CWC25: variants seen among roughly 807,000 people sequenced by gnomAD.
CWC25 encodes the protein pre-mRNA-splicing factor CWC25 homolog.
Under a neutral mutation model 54.6 loss-of-function variants are expected in CWC25, and 31 were observed. The ratio of observed to expected loss-of-function variants is 0.57; its 90% CI spans 0.43 to 0.77. CWC25 has a LOEUF of 0.77. Among genes scored for constraint, CWC25 ranks in the 30% least tolerant of loss-of-function variants. The pLI is 0.00. For synonymous variants in CWC25, 151 were observed against 187.0 expected, an observed-to-expected ratio of 0.81 and a Z score of 1.57; for missense variants, 453 against 529.3, an observed-to-expected ratio of 0.86 and a Z score of 1.41.
chr17:38,816,402 T>G (rs1356144673), intron 2 of CWC25, among the ~76,000 whole-genome samples: 1 of 151,640 alleles, frequency 6.6e-6, no homozygotes, highest in Non-Finnish European at 1.5e-5. Context: ...TGCACCACCA[T>G]GCCTTGCTGA....
At chr17:38,810,133 A>T (rs926614611) in intron 5 of CWC25, 7 of 425,334 alleles carry the variant, frequency 1.6e-5, no homozygotes, top group Admixed American at 8.1e-5. Flanking sequence ...GCCTATATAA[A>T]GCCCACTTCA....
In CWC25 at chr17:38,802,211, GA is replaced by G. The variant is rs745971628; in HGVS notation, c.1164-6del. On this transcript the variant is annotated splice_region_variant and splice_polypyrimidine_tract_variant and intron_variant, in intron 9 of 9. Transcript: ENST00000614790. Reference sequence around the variant, plus strand: ...GCACTCTCCAGCTTCATGCGGCTAGGAAGAGAAGACAGGCAAATGCAAGTCA... The same window carrying G: ...GCACTCTCCAGCTTCATGCGGCTAGGAGAGAAGACAGGCAAATGCAAGTCA... 1.2e-6 allele frequency: 2 copies of G among 1,600,610 alleles called. No homozygotes were observed. The highest frequency in any genetic ancestry group is 2.2e-5 in the South Asian group (2 of 89,846).
At position 38,806,296 on chromosome 17, in the gene CWC25, C is replaced by A. The variant is rs1011108616; in HGVS notation, c.1001+1G>T. ...GTTAATCAACTGGGCTCCTGACTCA[C>A]CTGGTGTATCCGGGAGCATGTCGCC... On this transcript the variant is annotated splice_donor_variant, in intron 8 of 9. Transcript: ENST00000614790. LOFTEE classifies it high-confidence loss of function. 1.2e-6 allele frequency: 2 copies of A among 1,609,220 alleles called. No individual in the cohort carries two copies. The highest frequency in any genetic ancestry group is 1.3e-5 in the African/African-American group (1 of 74,898).
At position 38,810,670 on chromosome 17, in the gene CWC25, A is replaced by C. The variant is rs1031896342; in HGVS notation, c.499-75T>G. The C allele has an allele frequency of 3.9e-6, 3 of 778,152 alleles. No homozygotes were observed. The African/African-American group carries it at 5.1e-5, about 13-fold the overall frequency. 48.2% of individuals were successfully genotyped at this position (778,152 alleles called of 1,614,324 possible). ...CGCAGTGGCTCATGCCTGTAATCCCAGCACTTTGGGAGGCTGAGTGGAGCA... is the reference window on the plus strand; with the variant it reads ...CGCAGTGGCTCATGCCTGTAATCCCCGCACTTTGGGAGGCTGAGTGGAGCA... On this transcript the variant is annotated intron_variant, in intron 4 of 9. Transcript: ENST00000614790.
intron 4 of CWC25, among the ~76,000 whole-genome samples, chr17:38,810,838 C>T (rs1911455020): frequency 6.8e-6 from 1 of 146,644 alleles, no homozygotes; most frequent in Non-Finnish European, 1.5e-5. Flanking sequence ...ACAAGAATCA[C>T]CTGAACCAGG....
At chr17:38,803,268 G>A (rs1911099243) in intron 8 of CWC25, among the ~76,000 whole-genome samples, 1 of 152,184 alleles carries the variant, frequency 6.6e-6, no homozygotes, top group Admixed American at 6.5e-5. Flanking sequence ...TCATGACACA[G>A]CCCATGAGTA....
chr17:38,805,552 G>T (rs916038830), intron 8 of CWC25, among the ~76,000 whole-genome samples: 1 of 152,114 alleles, frequency 6.6e-6, no homozygotes, highest in Non-Finnish European at 1.5e-5. Flanking sequence ...GGCCTCAAGC[G>T]ATCCTCCTGC....
At chr17:38,820,788 G>T in intron 2 of CWC25, 113 bp downstream of exon 2, 1 of 1,249,746 alleles carries the variant, frequency 8.0e-7, no homozygotes, top group Non-Finnish European at 1.1e-6. Flanking sequence ...AGGTGAGTCT[G>T]GCATTACAAC....
chr17:38,805,270 G>C (rs376744184), intron 8 of CWC25, among the ~76,000 whole-genome samples: 1 of 151,916 alleles, frequency 6.6e-6, no homozygotes, highest in Non-Finnish European at 1.5e-5. Context: ...ACAAGATGCT[G>C]TCTCCAAAAA....
At chr17:38,814,511 C>T (rs1460519656) in intron 3 of CWC25, among the ~76,000 whole-genome samples, 1 of 151,310 alleles carries the variant, frequency 6.6e-6, no homozygotes. Flanking sequence ...GAGGCCGAGG[C>T]GGGCGGATCA....
intron 2 of CWC25, among the ~76,000 whole-genome samples, chr17:38,817,876 G>A (rs1273656726): frequency 6.6e-6 from 1 of 151,940 alleles, no homozygotes; most frequent in Non-Finnish European, 1.5e-5. Flanking sequence ...TGAAGCAGGA[G>A]AATTGCTTGA....
chr17:38,820,762 G>C (rs529935718), intron 2 of CWC25, 139 bp downstream of exon 2: 1 of 1,052,846 alleles, frequency 9.5e-7, no homozygotes, highest in African/African-American at 1.6e-5. Flanking sequence ...TACATGCAAA[G>C]CCAACCTTAG....
At chr17:38,812,619 C>G (rs1911536894) in intron 4 of CWC25, among the ~76,000 whole-genome samples, 176 bp downstream of exon 4, 1 of 151,642 alleles carries the variant, frequency 6.6e-6, no homozygotes, top group South Asian at 2.1e-4. Flanking sequence ...AAGATTGAAA[C>G]TCCGTCTCAA....
intron 6 of CWC25, among the ~76,000 whole-genome samples, chr17:38,807,755 C>CAAA (rs1408782738): frequency 3.6e-5 from 3 of 82,478 alleles, no homozygotes; most frequent in African/African-American, 1.2e-4. Context: ...GACCCTGTCT[C>CAAA]AAAAAAAAAA....
chr17:38,812,040 G>C (rs1911511587), intron 4 of CWC25, among the ~76,000 whole-genome samples: 1 of 151,782 alleles, frequency 6.6e-6, no homozygotes, highest in Non-Finnish European at 1.5e-5. Context: ...CCGGGTTCAA[G>C]CAAGTCTCCT....
chr17:38,806,476 T>C (rs562427709), intron 7 of CWC25, 81 bp from the exon 8 acceptor site: 1 of 1,182,856 alleles, frequency 8.5e-7, no homozygotes, highest in South Asian at 1.3e-5. Context: ...CAATGCAAGA[T>C]GAGCTAATGG....
rs186662114 is a variant in CWC25 at position 38,800,635 on chromosome 17, A to C, written c.*1457T>G. 3.9e-5 allele frequency: 6 copies of C among 152,358 alleles called. No homozygotes were observed. The highest frequency in any genetic ancestry group is 3.9e-4 in the Admixed American group (6 of 15,298). The allele number at this position is 152,358 out of a possible 1,614,324, so 9.4% of individuals were successfully genotyped here. A position where few individuals can be genotyped will look rare whatever the true frequency, so the allele number is the denominator to read the frequency against. On this transcript the variant is annotated 3_prime_UTR_variant, in exon 10 of 10. Transcript: ENST00000614790. ...GAAATCCAAATACATTTTAAGCAGA[A>C]TTAGGAATTAGCAGAACAAGGAAAT...
Position 38,809,917 on chromosome 17 carries a change from T to C in CWC25, c.627-152A>G. 4.6e-6 allele frequency: 3 copies of C among 658,290 alleles called. No individual in the cohort carries two copies. In the South Asian group the frequency reaches 6.3e-5, roughly 14 times the overall value. The allele number at this position is 658,290 out of a possible 1,614,324, so 40.8% of individuals were successfully genotyped here. A position where few individuals can be genotyped will look rare whatever the true frequency, so the allele number is the denominator to read the frequency against. On this transcript the variant is annotated intron_variant, in intron 5 of 9. Transcript: ENST00000614790. The stretch of plus-strand genomic sequence containing the variant: ...AGTACGTTTCTCTATTTGGACTGTC[T>C]ATGCCGAAAAATGCATCAGCACAAT...
chr17:38,815,812 C>T (rs536561662), intron 2 of CWC25: 13 of 496,048 alleles, frequency 2.6e-5, no homozygotes, highest in Admixed American at 7.2e-5. Flanking sequence ...ACCACATACG[C>T]AGTTGCATTG....
Sources: allele counts gnomAD v4.1 joint callset (sites outside exome capture counted in the v4.1 genomes callset), GRCh38; gene constraint gnomAD v4.1.1; transcripts MANE v1.5; gene names NCBI Gene and HGNC (gene_info 2026-07-23, HGNC 2026-07-21).